The following NUP98 variants were observed in gnomAD, a reference collection of about 807,000 sequenced individuals.
The protein encoded by NUP98 is nucleoporin 98 and 96 precursor.
NUP98 carries 26 observed loss-of-function variants against 191.9 expected under a neutral mutation model. The ratio of observed to expected loss-of-function variants is 0.14; its 90% CI spans 0.10 to 0.19. The LOEUF is 0.19. NUP98 is among the 10% of genes least tolerant of loss of function. The pLI is 1.00. For synonymous variants in NUP98, 808 were observed against 778.4 expected (o/e 1.04, Z -0.63); for missense variants, 1,941 against 2,178.8 (o/e 0.89, Z 2.17).
rs750352545 is a variant in NUP98 at position 3,676,524 on chromosome 11, G to A, written c.5170C>T (p.Arg1724Cys). Residue 1724 changes from arginine to cysteine, a missense_variant, in exon 32 of 33, where the codon CGC (arginine) becomes TGC (cysteine). By Grantham distance (180) the Arg-to-Cys change is radical (BLOSUM62 -3). This residue lies in a region of NUP98 where 1,030 missense variants were observed against 1,115.8 expected (regional missense o/e 0.92). Coordinates refer to ENST00000324932, the MANE Select transcript of NUP98 (RefSeq NM_016320.5). ...EQIQCYSAKD[R>C]LAQSDMAKRV... ...AGAGGCTTACCTGACTGAGCCAGGC[G>A]ATCTTTAGCACTGTAACACTGAATC... is the stretch of plus-strand genomic sequence containing the variant. 9 of 1,613,828 alleles carry A rather than the reference G, an allele frequency of 5.6e-6. No individual in the cohort carries two copies. In the Admixed American group the frequency reaches 1.0e-4, roughly 18 times the overall value.
Position 3,725,136 on chromosome 11 carries a change from G to C in NUP98, c.1814C>G (p.Ala605Gly), listed in dbSNP as rs779139306. The C allele has an allele frequency of 3.1e-6, 5 of 1,592,428 alleles. No homozygotes were observed. The South Asian group carries it at 5.5e-5, about 18-fold the overall frequency. Residue 605 changes from alanine to glycine, a missense_variant, in exon 15 of 33, where the codon GCT becomes GGT. Transcript: ENST00000324932. ...SPVNRDSENL[A>G]SPSEYPENGE... ...ATTTTCTGGATATTCAGATGGTGAA[G>C]CTAGATTTTCTGAATCACGATTAAC...
intron 13 of NUP98, among the ~76,000 whole-genome samples, chr11:3,731,977 T>C (rs961173727): frequency 2.6e-5 from 4 of 152,238 alleles, no homozygotes; most frequent in Admixed American, 2.0e-4. Context: ...TCTGTGTGTA[T>C]GTGTGAATAC....
chr11:3,768,511 C>T (rs2081413680), intron 8 of NUP98, 70 bp downstream of exon 8: 12 of 1,345,794 alleles, frequency 8.9e-6, no homozygotes, highest in Non-Finnish European at 1.2e-5. Context: ...GCTAGTTTGA[C>T]ATGATTAGAA....
intron 1 of NUP98, among the ~76,000 whole-genome samples, chr11:3,795,509 C>A (rs547858731): frequency 3.9e-5 from 6 of 152,196 alleles, no homozygotes; most frequent in Non-Finnish European, 5.9e-5. Context: ...ACAGCAGGAA[C>A]TATCTTATCT....
intron 12 of NUP98, among the ~76,000 whole-genome samples, chr11:3,741,482 C>T (rs1044780103): frequency 1.3e-5 from 2 of 151,976 alleles, no homozygotes; most frequent in South Asian, 4.2e-4. Flanking sequence ...ATTAGCTGGG[C>T]GTGTGGCAGG....
intron 1 of NUP98, among the ~76,000 whole-genome samples, chr11:3,788,075 C>T (rs2082203869): frequency 6.6e-6 from 1 of 152,176 alleles, no homozygotes; most frequent in Non-Finnish European, 1.5e-5. Flanking sequence ...TTTAGTTATG[C>T]AATATATTTG....
At chr11:3,772,264 T>TATAGTG (rs1221096255) in intron 6 of NUP98, among the ~76,000 whole-genome samples, 57 of 152,230 alleles carry the variant, frequency 3.7e-4, no homozygotes, top group Middle Eastern at 3.4e-3. Flanking sequence ...AAATAAAAAT[T>TATAGTG]ATAGTGAATT....
intron 21 of NUP98, among the ~76,000 whole-genome samples, chr11:3,705,764 A>C (rs2078840540): frequency 6.6e-6 from 1 of 152,234 alleles, no homozygotes; most frequent in Non-Finnish European, 1.5e-5. Flanking sequence ...GAGTCTTAAA[A>C]GTACCCTGTG....
At chr11:3,750,497 G>A (rs1247542745) in intron 11 of NUP98, among the ~76,000 whole-genome samples, 2 of 152,160 alleles carry the variant, frequency 1.3e-5, no homozygotes, top group Non-Finnish European at 2.9e-5. Context: ...CACTATGTAA[G>A]ACAGTGCTTT....
intron 16 of NUP98, among the ~76,000 whole-genome samples, chr11:3,721,240 TACCAAA>T (rs773050827): frequency 1.8e-4 from 28 of 152,310 alleles, no homozygotes; most frequent in Admixed American, 6.5e-4. Flanking sequence ...CACACAAGGA[TACCAAA>T]ACCTACAGTG....
intron 10 of NUP98, among the ~76,000 whole-genome samples, chr11:3,759,433 C>A (rs949250418): frequency 6.6e-6 from 1 of 151,942 alleles, no homozygotes; most frequent in Non-Finnish European, 1.5e-5. Context: ...CTTGTCTCTA[C>A]TAAAAACACA....
At chr11:3,764,158 A>ATT (rs34952026) in intron 8 of NUP98, among the ~76,000 whole-genome samples, 1 of 150,218 alleles carries the variant, frequency 6.7e-6, no homozygotes, top group Non-Finnish European at 1.5e-5. Context: ...TTTTCTATGG[A>ATT]TTTTTTTTTT....
At chr11:3,725,576 TTCTC>T (rs967006958) in intron 14 of NUP98, among the ~76,000 whole-genome samples, 1 of 152,212 alleles carries the variant, frequency 6.6e-6, no homozygotes, top group Non-Finnish European at 1.5e-5. Flanking sequence ...TCCAAATGCT[TTCTC>T]TCTCTTTTGG....
intron 12 of NUP98, among the ~76,000 whole-genome samples, chr11:3,737,578 G>C (rs997380729): frequency 1.3e-5 from 2 of 152,164 alleles, no homozygotes; most frequent in African/African-American, 4.8e-5. Context: ...AGTGAGCCAA[G>C]GTCGTGCCAC....
intron 29 of NUP98, among the ~76,000 whole-genome samples, chr11:3,684,350 C>A (rs376170189): frequency 6.6e-6 from 1 of 152,190 alleles, no homozygotes; most frequent in Non-Finnish European, 1.5e-5. Flanking sequence ...CAGGCCGAGG[C>A]GGACAGATCA....
chr11:3,745,209 C>T (rs933783167), intron 11 of NUP98, among the ~76,000 whole-genome samples: 2 of 152,160 alleles, frequency 1.3e-5, no homozygotes, highest in African/African-American at 4.8e-5. Flanking sequence ...TCAAAATACT[C>T]AACTAACACA....
intron 13 of NUP98, among the ~76,000 whole-genome samples, chr11:3,734,411 ATAG>A (rs1428312406): frequency 2.0e-5 from 3 of 152,238 alleles, no homozygotes; most frequent in Admixed American, 2.0e-4. Context: ...AAGTGACTGA[ATAG>A]TAGTTTCTGT....
At chr11:3,692,773 T>C (rs1048787856) in intron 27 of NUP98, among the ~76,000 whole-genome samples, 2 of 152,190 alleles carry the variant, frequency 1.3e-5, no homozygotes, top group Admixed American at 6.5e-5. Context: ...AAGTGTTCTC[T>C]TACTCCTGAC....
intron 25 of NUP98, among the ~76,000 whole-genome samples, chr11:3,696,409 C>T (rs527439390): frequency 8.0e-5 from 12 of 150,614 alleles, no homozygotes; most frequent in East Asian, 2.0e-4. Context: ...GGCTGAGACA[C>T]GAGAACCACT....
Sources: allele counts gnomAD v4.1 joint callset (sites outside exome capture counted in the v4.1 genomes callset), GRCh38; gene constraint gnomAD v4.1.1; regional missense constraint gnomAD v4.1.1; transcripts MANE v1.5; gene names NCBI Gene and HGNC (gene_info 2026-07-23, HGNC 2026-07-21).